WWOX: variants seen among roughly 807,000 people sequenced by gnomAD.
The protein encoded by WWOX is WW domain-containing oxidoreductase.
A neutral mutation model predicts 46.2 loss-of-function variants in WWOX; 69 were observed. The observed-to-expected ratio is 1.49, with a 90% CI of 1.23 to 1.82. WWOX has a LOEUF of 1.82. Ranked by LOEUF, WWOX falls within the 40% of genes most tolerant of loss-of-function variation. The pLI is 0.00. For missense variants in WWOX, 919 were observed against 542.6 expected, an observed-to-expected ratio of 1.69 and a Z score of -6.89; for synonymous variants, 359 against 202.6, an observed-to-expected ratio of 1.77 and a Z score of -6.56.
chr16:78,399,922 T>G (rs2082372737), intron 6 of WWOX, among the ~76,000 whole-genome samples: 1 of 152,156 alleles, frequency 6.6e-6, no homozygotes, highest in Non-Finnish European at 1.5e-5. Flanking sequence ...TGAATATACA[T>G]TTGAATAAAT....
intron 8 of WWOX, among the ~76,000 whole-genome samples, chr16:78,637,376 G>C (rs2046597787): frequency 6.6e-6 from 1 of 152,134 alleles, no homozygotes; most frequent in Non-Finnish European, 1.5e-5. Context: ...AGGAGGCAGA[G>C]GTTGCAGTGA....
intron 6 of WWOX, among the ~76,000 whole-genome samples, chr16:78,416,955 A>G (rs778733952): frequency 5.9e-5 from 9 of 152,020 alleles, no homozygotes; most frequent in African/African-American, 1.9e-4. Context: ...CAGTTTCTCT[A>G]AGAAGTTGGT....
chr16:78,138,506 C>G (rs1158015943), intron 4 of WWOX, among the ~76,000 whole-genome samples: 1 of 152,140 alleles, frequency 6.6e-6, no homozygotes, highest in African/African-American at 2.4e-5. Context: ...TTCTTCCTAC[C>G]TTCCATATGA....
At chr16:78,797,817 G>A in intron 8 of WWOX, among the ~76,000 whole-genome samples, 1 of 152,112 alleles carries the variant, frequency 6.6e-6, no homozygotes, top group East Asian at 1.9e-4. Flanking sequence ...GCAAGTCTCT[G>A]TCTCTACAAA....
intron 8 of WWOX, among the ~76,000 whole-genome samples, chr16:79,197,884 C>T (rs1212088118): frequency 1.3e-5 from 2 of 152,056 alleles, no homozygotes; most frequent in African/African-American, 2.4e-5. Context: ...TCTCACTTTC[C>T]AATCAGCAGG....
At chr16:78,375,778 C>G (rs905824084) in intron 5 of WWOX, among the ~76,000 whole-genome samples, 2 of 145,848 alleles carry the variant, frequency 1.4e-5, no homozygotes, top group East Asian at 2.0e-4. Context: ...CAGTGGCCAA[C>G]AAAACAAAAC....
intron 8 of WWOX, among the ~76,000 whole-genome samples, chr16:78,987,982 A>C (rs565987464): frequency 6.6e-6 from 1 of 152,076 alleles, no homozygotes; most frequent in East Asian, 1.9e-4. Context: ...TAATTTCAAG[A>C]AATTTTAATA....
At chr16:78,371,119 T>C (rs147939323) in intron 5 of WWOX, among the ~76,000 whole-genome samples, 10 of 152,216 alleles carry the variant, frequency 6.6e-5, no homozygotes, top group Admixed American at 2.0e-4. Context: ...ATCTTTGACA[T>C]ACCTAGGTAA....
intron 8 of WWOX, among the ~76,000 whole-genome samples, chr16:78,714,576 T>G (rs1157947570): frequency 6.6e-6 from 1 of 151,992 alleles, no homozygotes; most frequent in African/African-American, 2.4e-5. Flanking sequence ...CAAGACACTA[T>G]TCTAGGTATG....
At chr16:78,674,275 C>A (rs544610265) in intron 8 of WWOX, among the ~76,000 whole-genome samples, 1 of 123,650 alleles carries the variant, frequency 8.1e-6, no homozygotes. Flanking sequence ...CCAACCAGTT[C>A]ATCTTTTTTT....
chr16:79,190,987 G>C (rs2051124438), intron 8 of WWOX, among the ~76,000 whole-genome samples: 1 of 152,150 alleles, frequency 6.6e-6, no homozygotes, highest in Non-Finnish European at 1.5e-5. Flanking sequence ...ATGTATCAAA[G>C]GTGATGTGTG....
At chr16:79,053,150 T>C (rs2048201502) in intron 8 of WWOX, among the ~76,000 whole-genome samples, 1 of 152,168 alleles carries the variant, frequency 6.6e-6, no homozygotes, top group Non-Finnish European at 1.5e-5. Context: ...TCAACGCTTT[T>C]AGGAAGAAAC....
At chr16:78,474,127 C>CT (rs1448550584) in intron 8 of WWOX, among the ~76,000 whole-genome samples, 2 of 152,200 alleles carry the variant, frequency 1.3e-5, no homozygotes, top group East Asian at 3.8e-4. Flanking sequence ...TGTAAAATGA[C>CT]TGTTACACGT....
intron 8 of WWOX, among the ~76,000 whole-genome samples, chr16:78,637,934 G>T (rs1165993800): frequency 3.3e-5 from 5 of 152,104 alleles, no homozygotes. Flanking sequence ...CTGAGTTGGG[G>T]GAAGGGGTCT....
At chr16:78,660,213 A>G (rs1489763219) in intron 8 of WWOX, among the ~76,000 whole-genome samples, 6 of 152,122 alleles carry the variant, frequency 3.9e-5, no homozygotes, top group Non-Finnish European at 8.8e-5. Context: ...TATTGTCAGC[A>G]GGAGGGAGGT....
intron 6 of WWOX, among the ~76,000 whole-genome samples, chr16:78,395,750 T>A (rs1054860470): frequency 1.5e-5 from 2 of 132,268 alleles, no homozygotes; most frequent in Non-Finnish European, 3.0e-5. Flanking sequence ...TTTTTTGTTT[T>A]GTTTTTTCTT....
intron 8 of WWOX, among the ~76,000 whole-genome samples, chr16:78,454,253 T>G (rs2151416256): frequency 6.6e-6 from 1 of 152,296 alleles, no homozygotes; most frequent in East Asian, 1.9e-4. Flanking sequence ...GATGGACAGA[T>G]CAAGATGTTC....
chr16:78,778,979 C>G (rs1031348371), intron 8 of WWOX, among the ~76,000 whole-genome samples: 2 of 152,194 alleles, frequency 1.3e-5, no homozygotes, highest in African/African-American at 4.8e-5. Context: ...AATGCTGCTT[C>G]TGATCTCCAT....
At chr16:79,043,978 G>C (rs1212229408) in intron 8 of WWOX, among the ~76,000 whole-genome samples, 1 of 152,158 alleles carries the variant, frequency 6.6e-6, no homozygotes, top group Non-Finnish European at 1.5e-5. Context: ...TTGTGGCCAG[G>C]GACAATGAAA....
Sources: gnomAD v4.1 joint callset for allele counts (sites outside exome capture counted in the v4.1 genomes callset) on GRCh38, gnomAD v4.1.1 for gene constraint, MANE v1.5 for transcripts, NCBI Gene and HGNC (gene_info 2026-07-23, HGNC 2026-07-21) for gene names.